The following ZMYM4 variants were observed in gnomAD, a reference collection of about 807,000 sequenced individuals.
ZMYM4 encodes the protein zinc finger MYM-type protein 4.
ZMYM4 carries 31 observed loss-of-function variants against 183.2 expected under a neutral mutation model. The ratio of observed to expected loss-of-function variants is 0.17; its 90% confidence interval spans 0.13 to 0.23. The LOEUF is 0.23. Ranked by LOEUF, ZMYM4 falls within the 10% of genes least tolerant of loss-of-function variation. The pLI is 1.00. For missense variants in ZMYM4, 1,273 were observed against 1,840.3 expected (o/e 0.69, Z 5.64); for synonymous variants, 592 against 631.2 (o/e 0.94, Z 0.93).
In ZMYM4 at chr1:35,399,592, A is replaced by T. The variant is rs779945612; in HGVS notation, c.3528+16A>T. The T allele has an allele frequency of 6.2e-7, 1 of 1,612,378 alleles. No homozygotes were observed. The highest frequency in any genetic ancestry group is 1.1e-5 in the South Asian group (1 of 90,946). On this transcript the variant is annotated intron_variant, in intron 23 of 29. Transcript: ENST00000314607. Reference sequence around the variant, plus strand: ...CAGACGAAGAGTAAGCTGCAGCTTAACTTTTCTAGACTTTTCTTTCCTTCA... The same window carrying T: ...CAGACGAAGAGTAAGCTGCAGCTTATCTTTTCTAGACTTTTCTTTCCTTCA...
chr1:35,417,323 GAAAT>G (rs1640158921), intron 28 of ZMYM4, among the ~76,000 whole-genome samples: 2 of 151,702 alleles, frequency 1.3e-5, no homozygotes, highest in African/African-American at 4.8e-5. Flanking sequence ...AAGTGGGAAA[GAAAT>G]AGCCCACTTT....
intron 1 of ZMYM4, among the ~76,000 whole-genome samples, chr1:35,272,935 C>A (rs1202389950): frequency 6.6e-6 from 1 of 152,048 alleles, no homozygotes; most frequent in Non-Finnish European, 1.5e-5. Context: ...AGGATGGTCT[C>A]GATCTCCTGA....
At chr1:35,296,137 A>G (rs1235629258) in intron 1 of ZMYM4, 2 of 152,214 alleles carry the variant, frequency 1.3e-5, no homozygotes, top group African/African-American at 4.8e-5. Context: ...GAGAACAGCC[A>G]CAGGACTTTT....
chr1:35,290,875 G>A (rs1640728154), intron 1 of ZMYM4, among the ~76,000 whole-genome samples: 1 of 152,146 alleles, frequency 6.6e-6, no homozygotes. Context: ...TAAAAAAGAA[G>A]CTAAACCAAA....
chr1:35,344,859 T>C (rs548135643), intron 2 of ZMYM4, among the ~76,000 whole-genome samples: 10 of 152,342 alleles, frequency 6.6e-5, no homozygotes, highest in Non-Finnish European at 1.3e-4. Context: ...TTAGGAAATA[T>C]TCCTTTCTCA....
intron 7 of ZMYM4, 99 bp downstream of exon 7, chr1:35,370,726 CCTT>C: frequency 3.2e-6 from 2 of 630,310 alleles, no homozygotes; most frequent in Non-Finnish European, 2.1e-6. Flanking sequence ...TACATTTATT[CCTT>C]TTTTTTTTTT....
At chr1:35,382,158 A>AG (rs58628309) in intron 9 of ZMYM4, among the ~76,000 whole-genome samples, 7 of 147,544 alleles carry the variant, frequency 4.7e-5, no homozygotes, top group African/African-American at 1.8e-4. Flanking sequence ...AAAAAAAAAA[A>AG]CAAAAATGTA....
chr1:35,302,789 G>T (rs1039788423), intron 1 of ZMYM4, among the ~76,000 whole-genome samples: 1 of 151,928 alleles, frequency 6.6e-6, no homozygotes, highest in Non-Finnish European at 1.5e-5. Context: ...CTAAAGTGCT[G>T]GGATTACAGG....
At chr1:35,405,525 A>G in intron 25 of ZMYM4, 57 bp downstream of exon 25, 1 of 1,275,430 alleles carries the variant, frequency 7.8e-7, no homozygotes, top group Non-Finnish European at 1.1e-6. Flanking sequence ...TTGCGGATTT[A>G]AATTTGTAAA....
chr1:35,412,202 G>T lies in ZMYM4; in HGVS notation c.3949-1770G>T, dbSNP rs564739785. On this transcript the variant is annotated intron_variant, in intron 26 of 29. Transcript: ENST00000314607. ...CGGGACTTTCTTAATTTCCTGTTTG[G>T]ATTGTTCATTGCTAGCTTGAAATAC... Among the ~76,000 whole-genome samples, 7 of 152,084 alleles carry T rather than the reference G, an allele frequency of 4.6e-5. 1 individual carries two copies. In the East Asian group the frequency reaches 1.2e-3, roughly 25 times the overall value.
intron 7 of ZMYM4, among the ~76,000 whole-genome samples, chr1:35,378,739 G>T (rs748515858): frequency 6.6e-6 from 1 of 152,144 alleles, no homozygotes; most frequent in Non-Finnish European, 1.5e-5. Flanking sequence ...GTCCTAGATG[G>T]CATCGTTTTT....
intron 18 of ZMYM4, among the ~76,000 whole-genome samples, chr1:35,394,339 C>T (rs1490470689): frequency 1.3e-5 from 2 of 151,766 alleles, no homozygotes; most frequent in Non-Finnish European, 2.9e-5. Flanking sequence ...ATCAGGATCC[C>T]AGTGTTCTTG....
chr1:35,353,568 A>G (rs1487142071), intron 2 of ZMYM4, among the ~76,000 whole-genome samples: 2 of 152,102 alleles, frequency 1.3e-5, no homozygotes, highest in Non-Finnish European at 2.9e-5. Context: ...CGCCAAGCAT[A>G]CTCACAGTGT....
chr1:35,350,446 G>A (rs1425581854), intron 2 of ZMYM4, among the ~76,000 whole-genome samples: 2 of 151,958 alleles, frequency 1.3e-5, no homozygotes, highest in South Asian at 2.1e-4. Flanking sequence ...GTGCCACCAC[G>A]CCCAGCTAAT....
At chr1:35,279,365 A>C (rs1158286063) in intron 1 of ZMYM4, among the ~76,000 whole-genome samples, 1 of 152,208 alleles carries the variant, frequency 6.6e-6, no homozygotes, top group East Asian at 1.9e-4. Context: ...CCATATCATT[A>C]GACGAGAGGA....
At chr1:35,320,537 A>G (rs1642238004) in intron 1 of ZMYM4, among the ~76,000 whole-genome samples, 1 of 152,184 alleles carries the variant, frequency 6.6e-6, no homozygotes, top group Admixed American at 6.5e-5. Context: ...TAGCAAATTA[A>G]TTGAACCTGA....
intron 29 of ZMYM4, 55 bp from the exon 30 acceptor site, chr1:35,419,415 T>C: frequency 6.3e-7 from 1 of 1,578,568 alleles, no homozygotes. Context: ...ATATTTCCTA[T>C]ACTCTCTGAT....
At chr1:35,368,350 A>T (rs1644137125) in intron 5 of ZMYM4, among the ~76,000 whole-genome samples, 1 of 152,200 alleles carries the variant, frequency 6.6e-6, no homozygotes, top group African/African-American at 2.4e-5. Context: ...TTTGTAAGAG[A>T]TAGAAGAAAT....
chr1:35,386,893 A>T (rs1644590247), intron 11 of ZMYM4, 110 bp from the exon 12 acceptor site: 1 of 1,230,188 alleles, frequency 8.1e-7, no homozygotes, highest in Non-Finnish European at 1.1e-6. Context: ...ATTGCCTGTT[A>T]ACAGATGTAC....
Sources: gnomAD v4.1 joint callset for allele counts (sites outside exome capture counted in the v4.1 genomes callset) on GRCh38, gnomAD v4.1.1 for gene constraint, MANE v1.5 for transcripts, NCBI Gene and HGNC (gene_info 2026-07-23, HGNC 2026-07-21) for gene names.